IL1RAPL2: variants seen among roughly 807,000 people sequenced by gnomAD.
The protein encoded by IL1RAPL2 is interleukin 1 receptor accessory protein like 2, also known as X-linked interleukin-1 receptor accessory protein-like 2.
A neutral mutation model predicts 44.1 loss-of-function variants in IL1RAPL2; 3 were observed. The ratio of observed to expected loss-of-function variants is 0.07; its 90% CI spans 0.03 to 0.18. IL1RAPL2 has a LOEUF of 0.18. Ranked by LOEUF, IL1RAPL2 falls within the 10% of genes least tolerant of loss-of-function variation. IL1RAPL2 has a pLI of 1.00. For synonymous variants in IL1RAPL2, 181 were observed against 178.8 expected, an observed-to-expected ratio of 1.01 and a Z score of -0.10; for missense variants, 391 against 496.4, an observed-to-expected ratio of 0.79 and a Z score of 2.02.
At chrX:104,901,233 C>T (rs1391680867) in intron 2 of IL1RAPL2, among the ~76,000 whole-genome samples, 27 of 59,122 alleles carry the variant, frequency 4.6e-4, no homozygotes, top group African/African-American at 1.9e-3. Context: ...TTTTTTGAGA[C>T]GGACTCTCGC....
At chrX:105,085,753 C>T (rs772836966) in intron 2 of IL1RAPL2, among the ~76,000 whole-genome samples, 25 of 111,802 alleles carry the variant, frequency 2.2e-4, no homozygotes, top group Non-Finnish European at 4.7e-4. Flanking sequence ...ACTTTTGACT[C>T]CCCACAAACT....
intron 6 of IL1RAPL2, among the ~76,000 whole-genome samples, chrX:105,486,721 T>C (rs1398076746): frequency 1.1e-5 from 1 of 91,349 alleles, no homozygotes; most frequent in Non-Finnish European, 2.1e-5. Context: ...TCCACATATA[T>C]ATCTATATAT....
At chrX:105,245,840 G>C (rs911882100) in intron 4 of IL1RAPL2, among the ~76,000 whole-genome samples, 1 of 112,461 alleles carries the variant, frequency 8.9e-6, no homozygotes, top group Non-Finnish European at 1.9e-5. Context: ...TAAAAGTCTG[G>C]TGTTAATAAG....
At chrX:104,568,434 A>G (rs1928082384) in intron 1 of IL1RAPL2, among the ~76,000 whole-genome samples, 1 of 111,321 alleles carries the variant, frequency 9.0e-6, no homozygotes. Flanking sequence ...CCATTTTCCC[A>G]CTGACATCCT....
At chrX:105,209,866 C>T (rs1254718577) in intron 3 of IL1RAPL2, among the ~76,000 whole-genome samples, 1 of 111,647 alleles carries the variant, frequency 9.0e-6, no homozygotes, top group Admixed American at 9.5e-5. Flanking sequence ...TTTGTACGAC[C>T]AGAGAGATAA....
chrX:105,242,052 A>C (rs1465880992), intron 4 of IL1RAPL2, among the ~76,000 whole-genome samples: 5 of 112,070 alleles, frequency 4.5e-5, no homozygotes, highest in Non-Finnish European at 7.5e-5. Context: ...GGGGCCTAGG[A>C]CAACAGACTG....
chrX:104,691,183 A>G (rs1281859517), intron 2 of IL1RAPL2, among the ~76,000 whole-genome samples: 1 of 112,241 alleles, frequency 8.9e-6, no homozygotes, highest in Admixed American at 9.4e-5. Context: ...GGAGCTCTGC[A>G]ATGGTTACCA....
In IL1RAPL2 at chrX:105,315,580, A is replaced by G. The variant is rs1252311609; in HGVS notation, c.697+48039A>G. Among the ~76,000 whole-genome samples the G allele has an allele frequency of 1.9e-4, 8 of 41,032 alleles. No homozygotes were observed. The Admixed American group carries it at 2.6e-3, about 13-fold the overall frequency. The allele number at this position is 41,032 out of a possible 115,157, so 35.6% of individuals were successfully genotyped here. Reference sequence around the variant, plus strand: ...CTAGAGGGACAGAACTAATGGATGTATATATATATATATATATATATGGTT... The same window carrying G: ...CTAGAGGGACAGAACTAATGGATGTGTATATATATATATATATATATGGTT... On this transcript the variant is annotated intron_variant, in intron 5 of 10. Transcript: ENST00000372582.
At chrX:105,568,302 T>C (rs765312350) in intron 6 of IL1RAPL2, among the ~76,000 whole-genome samples, 9 of 112,203 alleles carry the variant, frequency 8.0e-5, no homozygotes, top group Admixed American at 4.7e-4. Context: ...GATTTTGTGA[T>C]ACTCTCTGCT....
intron 6 of IL1RAPL2, among the ~76,000 whole-genome samples, chrX:105,585,745 T>C (rs1602478259): frequency 8.9e-6 from 1 of 112,100 alleles, no homozygotes; most frequent in African/African-American, 3.2e-5. Context: ...TGTTACCACA[T>C]TTTCTTTACC....
intron 2 of IL1RAPL2, among the ~76,000 whole-genome samples, chrX:104,754,429 C>T (rs894368791): frequency 1.8e-5 from 2 of 111,627 alleles, no homozygotes; most frequent in Admixed American, 1.9e-4. Flanking sequence ...GTGCCCATCT[C>T]ATGAGAAGTT....
At chrX:104,890,256 A>T (rs1372042968) in intron 2 of IL1RAPL2, among the ~76,000 whole-genome samples, 4 of 111,964 alleles carry the variant, frequency 3.6e-5, no homozygotes, top group Non-Finnish European at 7.5e-5. Context: ...CGCAATAAAC[A>T]TACGTGTGCA....
intron 6 of IL1RAPL2, among the ~76,000 whole-genome samples, chrX:105,542,722 TATTTATTTAATTTATTA>T (rs2036751954): frequency 1.0e-5 from 1 of 95,805 alleles, no homozygotes; most frequent in Non-Finnish European, 2.2e-5. Flanking sequence ...TTTATTTATT[TATTTATTTAATTTATTA>T]TTTTTTTTTT....
chrX:104,948,603 A>G (rs1350137961), intron 2 of IL1RAPL2, among the ~76,000 whole-genome samples: 2 of 110,630 alleles, frequency 1.8e-5, no homozygotes, highest in Non-Finnish European at 3.8e-5. Flanking sequence ...TCAATACCTA[A>G]TTTCTTGAGA....
intron 2 of IL1RAPL2, among the ~76,000 whole-genome samples, chrX:104,897,151 A>C (rs897556476): frequency 2.7e-5 from 3 of 112,208 alleles, no homozygotes; most frequent in African/African-American, 9.7e-5. Context: ...GACTAGGCTC[A>C]GCTGGTCACT....
At position 105,021,395 on chromosome X, in the gene IL1RAPL2, G is replaced by T. The variant is rs187086053; in HGVS notation, c.83-174080G>T. 4.5e-5 allele frequency among the ~76,000 whole-genome samples: 5 copies of T among 110,904 alleles called. No individual in the cohort carries two copies. In the East Asian group the frequency reaches 1.4e-3, roughly 32 times the overall value. On this transcript the variant is annotated intron_variant, in intron 2 of 10. Coordinates refer to ENST00000372582, the MANE Select transcript of IL1RAPL2 (RefSeq NM_017416.2). ...ACGAAAAGAGATCAGTGAGATGGAG[G>T]GAAAGCCCATTCTTAGGTATGCTGC...
chrX:105,334,744 T>C (rs765795132), intron 5 of IL1RAPL2, among the ~76,000 whole-genome samples: 6 of 110,813 alleles, frequency 5.4e-5, no homozygotes, highest in Non-Finnish European at 7.6e-5. Context: ...TTCACACATA[T>C]TGAATTGGGA....
chrX:104,969,671 CAA>C (rs989728350), intron 2 of IL1RAPL2, among the ~76,000 whole-genome samples: 9 of 111,291 alleles, frequency 8.1e-5, no homozygotes, highest in East Asian at 2.8e-4. Context: ...GAAAACAACT[CAA>C]GAGAAAATTA....
intron 2 of IL1RAPL2, among the ~76,000 whole-genome samples, chrX:104,751,216 A>G (rs969418222): frequency 8.9e-6 from 1 of 111,828 alleles, no homozygotes; most frequent in African/African-American, 3.2e-5. Flanking sequence ...ATCATAACTC[A>G]GAGATGTATT....
Sources: allele counts gnomAD v4.1 joint callset (sites outside exome capture counted in the v4.1 genomes callset), GRCh38; gene constraint gnomAD v4.1.1; transcripts MANE v1.5; gene names NCBI Gene and HGNC (gene_info 2026-07-23, HGNC 2026-07-21).